The following SHISA6 variants were observed in gnomAD, a reference collection of about 807,000 sequenced individuals.
The protein encoded by SHISA6 is protein shisa-6.
SHISA6 carries 22 observed loss-of-function variants against 47.9 expected under a neutral mutation model. That is an observed-to-expected ratio of 0.46 (90% confidence interval 0.33 to 0.66). SHISA6 has a LOEUF of 0.66. SHISA6 is among the 30% of genes least tolerant of loss of function. The probability of loss-of-function intolerance (pLI) is 0.02; values close to 1 mark genes in which losing one functional copy is unlikely to be tolerated. For missense variants in SHISA6, 680 were observed against 764.6 expected, an observed-to-expected ratio of 0.89 and a Z score of 1.30; for synonymous variants, 388 against 337.8, an observed-to-expected ratio of 1.15 and a Z score of -1.63.
chr17:11,327,795 T>C (rs1199023619), intron 2 of SHISA6, among the ~76,000 whole-genome samples: 1 of 152,092 alleles, frequency 6.6e-6, no homozygotes, highest in East Asian at 1.9e-4. Context: ...AGGCTCCATC[T>C]CAAAACAAAA....
intron 2 of SHISA6, among the ~76,000 whole-genome samples, chr17:11,266,017 G>A (rs1270302703): frequency 6.6e-6 from 1 of 152,184 alleles, no homozygotes; most frequent in Non-Finnish European, 1.5e-5. Flanking sequence ...AGCATTCTCA[G>A]TTGTGATGCT....
intron 3 of SHISA6, among the ~76,000 whole-genome samples, chr17:11,540,063 A>G (rs1173080999): frequency 2.0e-5 from 3 of 152,160 alleles, no homozygotes; most frequent in Non-Finnish European, 4.4e-5. Flanking sequence ...ACATCAACAC[A>G]TATCTTCCCA....
chr17:11,551,913 C>T lies in SHISA6; in HGVS notation c.913C>T (p.His305Tyr). 2 of 1,551,644 alleles carry T rather than the reference C, an allele frequency of 1.3e-6. No homozygotes were observed. The highest frequency in any genetic ancestry group is 1.7e-4 in the Middle Eastern group (1 of 5,992). Residue 305 changes from histidine (H) to tyrosine (Y), a missense_variant, in exon 4 of 6, where the codon CAT (histidine) becomes TAT (tyrosine). Coordinates refer to ENST00000441885, the MANE Select transcript of SHISA6 (RefSeq NM_207386.4). ...ATTTTCAGGTGATCATCAATATAAC[C>T]ATCCGATTTTGAGCAGTGTTACCCA... ...GHTKGDHQYN[H>Y]PILSSVTQIP...
chr17:11,307,261 G>A (rs1178241254), intron 2 of SHISA6, among the ~76,000 whole-genome samples: 3 of 151,316 alleles, frequency 2.0e-5, no homozygotes, highest in African/African-American at 7.3e-5. Context: ...ATCTCCAAAT[G>A]CAGTGGCTCT....
chr17:11,362,928 C>T (rs7222381), intron 2 of SHISA6, among the ~76,000 whole-genome samples: 24,364 of 152,116 alleles, frequency 0.16, 2,062 homozygotes, highest in South Asian at 0.27. Context: ...GAGTTCTGAA[C>T]CTTAAACTCC....
At chr17:11,505,306 C>A (rs1358561903) in intron 3 of SHISA6, among the ~76,000 whole-genome samples, 2 of 152,186 alleles carry the variant, frequency 1.3e-5, no homozygotes, top group East Asian at 3.9e-4. Context: ...TTCTTCCCAG[C>A]AGCATCCTTC....
intron 2 of SHISA6, among the ~76,000 whole-genome samples, chr17:11,313,934 G>T (rs1256376371): frequency 6.6e-6 from 1 of 152,104 alleles, no homozygotes; most frequent in African/African-American, 2.4e-5. Context: ...TGAAAATAAA[G>T]ATATACTAAT....
chr17:11,429,061 T>C (rs1044500495), intron 3 of SHISA6, among the ~76,000 whole-genome samples: 3 of 152,098 alleles, frequency 2.0e-5, no homozygotes, highest in Non-Finnish European at 2.9e-5. Flanking sequence ...AGTGCTAGGA[T>C]TACAGGTGTG....
intron 1 of SHISA6, among the ~76,000 whole-genome samples, chr17:11,253,572 A>G (rs1282146294): frequency 6.6e-6 from 1 of 152,116 alleles, no homozygotes; most frequent in Non-Finnish European, 1.5e-5. Context: ...GTAAAAATGC[A>G]TTTCCTTTAA....
At chr17:11,442,200 T>C (rs570290411) in intron 3 of SHISA6, among the ~76,000 whole-genome samples, 12 of 152,328 alleles carry the variant, frequency 7.9e-5, no homozygotes, top group Non-Finnish European at 1.6e-4. Flanking sequence ...CCCTGTTTTG[T>C]AGCTAAAGAA....
At position 11,508,553 on chromosome 17, in the gene SHISA6, C is replaced by T. The variant is rs1269560478; in HGVS notation, c.896-43343C>T. The stretch of plus-strand genomic sequence containing the variant: ...GTTGAATCAGCCCCTCCCCTCCTCT[C>T]CCCTCCCCTCCCCTCCCCTTCCTTT... On this transcript the variant is annotated intron_variant, in intron 3 of 5. Coordinates refer to ENST00000441885, the MANE Select transcript of SHISA6 (RefSeq NM_207386.4). Among the ~76,000 whole-genome samples, 19 of 117,732 alleles carry T rather than the reference C, an allele frequency of 1.6e-4. 2 individuals carry two copies. The highest frequency in any genetic ancestry group is 4.8e-4 in the African/African-American group (14 of 29,026). 77.2% of individuals were successfully genotyped at this position (117,732 alleles called of 152,430 possible).
chr17:11,459,127 G>A (rs1211586872), intron 3 of SHISA6, among the ~76,000 whole-genome samples: 5 of 150,758 alleles, frequency 3.3e-5, no homozygotes, highest in African/African-American at 1.2e-4. Context: ...ACTGAGGCAG[G>A]AGAATGGCAT....
intron 3 of SHISA6, among the ~76,000 whole-genome samples, chr17:11,490,350 G>C (rs926257896): frequency 1.3e-5 from 2 of 152,078 alleles, no homozygotes; most frequent in Non-Finnish European, 2.9e-5. Context: ...TAAGAGAAGA[G>C]GAAAAATGAA....
Position 11,455,325 on chromosome 17 carries a change from A to G in SHISA6, c.895+75816A>G, listed in dbSNP as rs574413261. ...ATAGCACCTACTTCATAAGGTTAGA[A>G]TTGAAATGAGTCAACATATGCTGAA... is the stretch of plus-strand genomic sequence containing the variant. On this transcript the variant is annotated intron_variant, in intron 3 of 5. Transcript: ENST00000441885. 1.3e-4 allele frequency among the ~76,000 whole-genome samples: 20 copies of G among 152,330 alleles called. No homozygotes were observed. The South Asian group carries it at 4.1e-3, about 32-fold the overall frequency.
At chr17:11,243,872 A>AT (rs779523131) in intron 1 of SHISA6, among the ~76,000 whole-genome samples, 5 of 152,100 alleles carry the variant, frequency 3.3e-5, no homozygotes, top group Non-Finnish European at 5.9e-5. Context: ...TTTCTGAGCC[A>AT]TTGTTCTCTG....
intron 2 of SHISA6, among the ~76,000 whole-genome samples, chr17:11,360,006 C>T (rs1007015921): frequency 1.3e-5 from 2 of 152,186 alleles, no homozygotes; most frequent in Non-Finnish European, 2.9e-5. Context: ...ACTATAAAGA[C>T]ACATGCACAT....
intron 3 of SHISA6, among the ~76,000 whole-genome samples, chr17:11,382,615 T>A (rs1420660696): frequency 6.6e-6 from 1 of 152,242 alleles, no homozygotes; most frequent in African/African-American, 2.4e-5. Flanking sequence ...TTCTCTATCC[T>A]TTGTTTCAAC....
chr17:11,442,638 A>G (rs1443081845), intron 3 of SHISA6, among the ~76,000 whole-genome samples: 1 of 152,210 alleles, frequency 6.6e-6, no homozygotes, highest in Admixed American at 6.5e-5. Flanking sequence ...CCTGGCTCAC[A>G]GTAAAGACTC....
In SHISA6 at chr17:11,549,007, C is replaced by T. The variant is rs59459210; in HGVS notation, c.896-2889C>T. 4.3e-3 allele frequency among the ~76,000 whole-genome samples: 658 copies of T among 152,236 alleles called. 3 individuals are homozygous for T. Among genetic ancestry groups the T allele is most frequent in the African/African-American group, 0.015 (623 of 41,540 alleles). On this transcript the variant is annotated intron_variant, in intron 3 of 5. Transcript: ENST00000441885. ...TGTATAAGCATTTAGGTGGTTTCAT[C>T]GCTTTTACTACTATAAAAATGCCAC...
Sources: gnomAD v4.1 joint callset for allele counts (sites outside exome capture counted in the v4.1 genomes callset) on GRCh38, gnomAD v4.1.1 for gene constraint, MANE v1.5 for transcripts, NCBI Gene and HGNC (gene_info 2026-07-23, HGNC 2026-07-21) for gene names.